The following GLIPR1L1 variants were observed in gnomAD, a reference collection of about 807,000 sequenced individuals.
The protein encoded by GLIPR1L1 is GLIPR1-like protein 1.
In GLIPR1L1, 26 loss-of-function variants were observed where a neutral mutation model predicts 29.9. That is an observed-to-expected ratio of 0.87 (90% CI 0.64 to 1.21). The LOEUF is 1.21. Ranked by LOEUF, GLIPR1L1 falls within the 50% of genes most tolerant of loss-of-function variation. The pLI is 0.00. For missense variants in GLIPR1L1, 305 were observed against 290.3 expected (o/e 1.05, Z -0.37); for synonymous variants, 77 against 97.5 (o/e 0.79, Z 1.24).
At chr12:75,361,429 T>C (rs1008286466) in intron 3 of GLIPR1L1, among the ~76,000 whole-genome samples, 12 of 152,188 alleles carry the variant, frequency 7.9e-5, no homozygotes, top group African/African-American at 2.9e-4. Context: ...AGGTGGGGTT[T>C]CACCAGGAAC....
At chr12:75,366,125 T>C (rs933251983) in intron 4 of GLIPR1L1, among the ~76,000 whole-genome samples, 1 of 152,214 alleles carries the variant, frequency 6.6e-6, no homozygotes, top group African/African-American at 2.4e-5. Context: ...GAAAAGCATG[T>C]GGGCTTATTA....
chr12:75,337,449 G>A lies in GLIPR1L1; in HGVS notation c.174+2547G>A, dbSNP rs377114571. Among the ~76,000 whole-genome samples the A allele has an allele frequency of 7.2e-5, 11 of 151,870 alleles. No homozygotes were observed. In the East Asian group the frequency reaches 1.5e-3, roughly 21 times the overall value. ...TCCACACATTAAATGGATAGATAGA[G>A]AATATTTTGAACAAATTTATACTAA... On this transcript the variant is annotated intron_variant, in intron 1 of 5. Transcript: ENST00000378695.
chr12:75,357,334 A>G (rs2139524749), intron 3 of GLIPR1L1, among the ~76,000 whole-genome samples: 1 of 152,338 alleles, frequency 6.6e-6, no homozygotes, highest in East Asian at 1.9e-4. Context: ...CTACATGTTA[A>G]GCAGCTAAAA....
intron 4 of GLIPR1L1, among the ~76,000 whole-genome samples, chr12:75,365,882 G>A (rs2043930769): frequency 6.6e-6 from 1 of 152,048 alleles, no homozygotes; most frequent in Admixed American, 6.6e-5. Context: ...AATACCAAAT[G>A]TCTTATTTAG....
At chr12:75,363,023 A>C in intron 3 of GLIPR1L1, 79 bp from the exon 4 acceptor site, 2 of 634,122 alleles carry the variant, frequency 3.2e-6, no homozygotes, top group East Asian at 3.1e-5. Context: ...TAAATGACTA[A>C]AACAACTTGC....
chr12:75,353,875 A>G lies in GLIPR1L1; in HGVS notation c.521+6153A>G, dbSNP rs927797028. On this transcript the variant is annotated intron_variant, in intron 3 of 5. Transcript: ENST00000378695. The stretch of plus-strand genomic sequence containing the variant: ...TGAATGTAATTCATTATATCATCAG[A>G]ACTAAAGACAAAAACCATATGATTA... Among the ~76,000 whole-genome samples the G allele has an allele frequency of 2.6e-5, 4 of 152,194 alleles. No individual in the cohort carries two copies. The South Asian group carries it at 8.3e-4, about 32-fold the overall frequency.
At chr12:75,344,070 G>A (rs2042293726) in intron 2 of GLIPR1L1, 132 bp downstream of exon 2, 5 of 655,596 alleles carry the variant, frequency 7.6e-6, no homozygotes, top group Non-Finnish European at 1.2e-5. Context: ...CATAGGTCTT[G>A]AGCAATTTAA....
intron 3 of GLIPR1L1, among the ~76,000 whole-genome samples, chr12:75,358,256 A>T (rs1469203037): frequency 6.6e-6 from 1 of 151,894 alleles, no homozygotes. Flanking sequence ...AAAAGACAAA[A>T]ATTACACAGG....
At chr12:75,358,437 G>C (rs1183003860) in intron 3 of GLIPR1L1, among the ~76,000 whole-genome samples, 1 of 151,404 alleles carries the variant, frequency 6.6e-6, no homozygotes, top group Admixed American at 6.6e-5. Flanking sequence ...AAATGAATCA[G>C]TTAATCAACC....
At chr12:75,363,476 A>G (rs1275844361) in intron 4 of GLIPR1L1, among the ~76,000 whole-genome samples, 2 of 152,084 alleles carry the variant, frequency 1.3e-5, no homozygotes, top group Non-Finnish European at 2.9e-5. Flanking sequence ...AATGCTTCTT[A>G]TTTTTACTCG....
At chr12:75,357,428 A>C (rs1383831833) in intron 3 of GLIPR1L1, among the ~76,000 whole-genome samples, 1 of 152,156 alleles carries the variant, frequency 6.6e-6, no homozygotes, top group East Asian at 1.9e-4. Context: ...TAGGTATTTC[A>C]ATTATCCCAT....
chr12:75,365,045 T>A (rs2139643615), intron 4 of GLIPR1L1: 1 of 152,222 alleles, frequency 6.6e-6, no homozygotes, highest in South Asian at 2.1e-4. Flanking sequence ...ATTGAGAGGA[T>A]CTGAACTAAT....
chr12:75,351,206 A>T (rs1040433016), intron 3 of GLIPR1L1, among the ~76,000 whole-genome samples: 8 of 152,298 alleles, frequency 5.3e-5, no homozygotes, highest in Admixed American at 2.0e-4. Context: ...TGAACCTATG[A>T]CTGATTGGGG....
intron 3 of GLIPR1L1, 142 bp from the exon 4 acceptor site, chr12:75,362,960 T>A (rs920585584): frequency 2.0e-6 from 1 of 506,096 alleles, no homozygotes; most frequent in Admixed American, 4.2e-5. Flanking sequence ...ACAAAAGAAA[T>A]GAAAATAAAA....
At chr12:75,350,254 C>A (rs1361766212) in intron 3 of GLIPR1L1, among the ~76,000 whole-genome samples, 1 of 152,182 alleles carries the variant, frequency 6.6e-6, no homozygotes, top group Non-Finnish European at 1.5e-5. Flanking sequence ...GAGAGGAGCC[C>A]CTAGGAGGAG....
chr12:75,349,133 G>A lies in GLIPR1L1; in HGVS notation c.521+1411G>A, dbSNP rs1030474219. 1.8e-4 allele frequency among the ~76,000 whole-genome samples: 27 copies of A among 152,226 alleles called. 1 individual carries two copies. The highest frequency in any genetic ancestry group is 1.0e-3 in the South Asian group (5 of 4,812). On this transcript the variant is annotated intron_variant, in intron 3 of 5. Coordinates refer to ENST00000378695, the MANE Select transcript of GLIPR1L1 (RefSeq NM_001304964.2). The stretch of plus-strand genomic sequence containing the variant: ...CTAGAGTATTGATTAACACATGCAC[G>A]TGAGGAAACAACTTCAGGCCAGGTT...
intron 1 of GLIPR1L1, among the ~76,000 whole-genome samples, chr12:75,342,109 G>A (rs1287086398): frequency 6.6e-6 from 1 of 152,216 alleles, no homozygotes; most frequent in African/African-American, 2.4e-5. Context: ...GTGATCGCCA[G>A]GGGTTAAAGA....
At chr12:75,369,232 T>C (rs1463426613) in intron 4 of GLIPR1L1, among the ~76,000 whole-genome samples, 2 of 151,970 alleles carry the variant, frequency 1.3e-5, no homozygotes, top group Non-Finnish European at 2.9e-5. Context: ...ATTACTATAA[T>C]TCAGTTCCAA....
At chr12:75,340,271 C>G (rs1156313527) in intron 1 of GLIPR1L1, among the ~76,000 whole-genome samples, 1 of 151,586 alleles carries the variant, frequency 6.6e-6, no homozygotes, top group African/African-American at 2.4e-5. Flanking sequence ...CATGTGTGTG[C>G]TAGTGTCTTT....
Sources: gnomAD v4.1 joint callset for allele counts (sites outside exome capture counted in the v4.1 genomes callset) on GRCh38, gnomAD v4.1.1 for gene constraint, MANE v1.5 for transcripts, NCBI Gene and HGNC (gene_info 2026-07-23, HGNC 2026-07-21) for gene names.